Variants in WDR35 observed in about 807,000 individuals in gnomAD.
The protein encoded by WDR35 is WD repeat domain 35.
Under a neutral mutation model 158.3 loss-of-function variants are expected in WDR35, and 118 were observed. That is an observed-to-expected ratio of 0.75 (90% CI 0.64 to 0.87). The LOEUF is 0.87. WDR35 is among the 40% of genes least tolerant of loss of function. The pLI, the probability that WDR35 is intolerant of heterozygous loss-of-function variation, is 0.00. For synonymous variants in WDR35, 448 were observed against 476.1 expected, an observed-to-expected ratio of 0.94 and a Z score of 0.77; for missense variants, 1,263 against 1,405.8, an observed-to-expected ratio of 0.90 and a Z score of 1.62.
At chr2:19,915,481 T>C (rs1029190633) in intron 25 of WDR35, among the ~76,000 whole-genome samples, 15 of 151,362 alleles carry the variant, frequency 9.9e-5, no homozygotes, top group Admixed American at 9.9e-4. Flanking sequence ...ACCTAGTAGG[T>C]GAAGCATCTC....
chr2:19,916,568 A>G (rs913881675), intron 25 of WDR35, among the ~76,000 whole-genome samples: 1 of 152,232 alleles, frequency 6.6e-6, no homozygotes, highest in African/African-American at 2.4e-5. Context: ...GGCATCCACC[A>G]TTGCTGAGGC....
chr2:19,946,707 T>A (rs774072285), intron 14 of WDR35, 137 bp from the exon 15 acceptor site: 1 of 767,722 alleles, frequency 1.3e-6, no homozygotes, highest in Non-Finnish European at 2.2e-6. Flanking sequence ...TGATAATGAA[T>A]CATGTCCTTA....
chr2:19,925,402 TAAAC>T (rs1364109486), intron 25 of WDR35, among the ~76,000 whole-genome samples: 2 of 152,122 alleles, frequency 1.3e-5, no homozygotes, highest in African/African-American at 2.4e-5. Flanking sequence ...GAAGCACAAA[TAAAC>T]AAGGCAAAGC....
At chr2:19,973,486 C>A (rs1479610569) in intron 8 of WDR35, 77 bp downstream of exon 8, 1 of 1,587,202 alleles carries the variant, frequency 6.3e-7, no homozygotes, top group African/African-American at 1.3e-5. Flanking sequence ...TACACCGTTT[C>A]CTTTGTTATT....
intron 2 of WDR35, among the ~76,000 whole-genome samples, chr2:19,984,080 A>G (rs1672479655): frequency 6.7e-6 from 1 of 148,906 alleles, no homozygotes; most frequent in African/African-American, 2.5e-5. Context: ...TGTCACTATA[A>G]CCTAAGTGAA....
rs1672667840 is a variant in WDR35, at chr2:19,989,253, C to A, written c.54G>T (p.Gln18His). 6.2e-7 allele frequency: 1 copy of A among 1,614,122 alleles called. No individual in the cohort carries two copies. The highest frequency in any genetic ancestry group is 1.3e-5 in the African/African-American group (1 of 74,956). Reference protein sequence around the residue: ...KISIPNNVKLQCVSWNKEQGF... With the variant: ...KISIPNNVKLHCVSWNKEQGF... ...CTTGTTCCTTGTTCCAGGATACACA[C>A]TGCAGCTTCACGTTATTGGGAATGG... Residue 18 changes from glutamine (Q) to histidine (H), a missense_variant, in exon 2 of 27, where the codon CAG becomes CAT. By Grantham distance (24) the Gln-to-His change is conservative. Transcript: ENST00000281405.
chr2:19,941,599 T>C (rs1172778667), intron 17 of WDR35, among the ~76,000 whole-genome samples, 160 bp downstream of exon 17: 1 of 152,200 alleles, frequency 6.6e-6, no homozygotes, highest in Non-Finnish European at 1.5e-5. Flanking sequence ...CTCAAAAAGA[T>C]GGTGGCACCC....
Position 19,933,395 on chromosome 2 carries a change from T to A in WDR35, c.2658+6A>T, listed in dbSNP as rs746199319. Reference sequence around the variant, plus strand: ...AGCTGCACAGACAGAAAGTTTCAGTTCCTACTTGGTTGAGATGTACGCAGG... The same window carrying A: ...AGCTGCACAGACAGAAAGTTTCAGTACCTACTTGGTTGAGATGTACGCAGG... On this transcript the variant is annotated splice_donor_region_variant and intron_variant, in intron 22 of 26. Transcript: ENST00000281405. 6.2e-7 allele frequency: 1 copy of A among 1,610,950 alleles called. No individual in the cohort carries two copies. The highest frequency in any genetic ancestry group is 8.5e-7 in the Non-Finnish European group (1 of 1,177,300).
Position 19,914,186 on chromosome 2 carries a change from C to T in WDR35, c.3213G>A (p.Gly1071=), listed in dbSNP as rs777245080. Residue 1071 remains glycine (G), a synonymous_variant, in exon 26 of 27, where the codon GGG becomes GGA. Transcript: ENST00000281405. The part of the protein sequence containing the change: ...ALCACASRAF[G]TCSKAFIKLK... ...GTTTAATGAAAGCTTTTGAACAAGT[C>T]CCAAAGGCTCTGCTGGCGCATGCGC... 6.2e-7 allele frequency: 1 copy of T among 1,614,134 alleles called. No individual in the cohort carries two copies. Among genetic ancestry groups the T allele is most frequent in the Non-Finnish European group, 8.5e-7 (1 of 1,180,004 alleles).
rs560572903 is a variant in WDR35, at chr2:19,926,309, C to G, written c.3121+4087G>C. Among the ~76,000 whole-genome samples the G allele has an allele frequency of 5.3e-5, 8 of 152,340 alleles. No individual in the cohort carries two copies. In the South Asian group the frequency reaches 1.7e-3, roughly 32 times the overall value. On this transcript the variant is annotated intron_variant, in intron 25 of 26. Transcript: ENST00000281405. ...AATTCCTGTGGTAAACAACCTGCAG[C>G]CTGCTAAGTGTTTTCATTGTTTTAC...
rs781769213 is a variant in WDR35, at chr2:19,933,491, G to A, written c.2568C>T (p.Val856=). ...CTGCTTGTTCACACATTCCAACTCT[G>A]ACAAACATTTGTGCTATTTCCTGTA... ...KLLPEIAQMF[V]RVGMCEQAVT... is the part of the protein sequence containing the mutation. The change falls in exon 22 of 27, where the codon GTC becomes GTT. Residue 856 remains valine, a synonymous_variant. Transcript: ENST00000281405. 29 of 1,613,648 alleles carry A rather than the reference G, an allele frequency of 1.8e-5. No homozygotes were observed. Among genetic ancestry groups the A allele is most frequent in the Non-Finnish European group, 2.2e-5 (26 of 1,179,874 alleles).
At chr2:19,933,541 T>C (rs1670594357) in intron 21 of WDR35, 30 bp from the exon 22 acceptor site, 1 of 1,569,444 alleles carries the variant, frequency 6.4e-7, no homozygotes, top group Admixed American at 1.7e-5. Context: ...CTATCAGATT[T>C]CACAGACCAA....
Position 19,932,395 on chromosome 2 carries a change from G to C in WDR35, c.2711C>G (p.Ser904Cys). 6.2e-7 allele frequency: 1 copy of C among 1,613,240 alleles called. No homozygotes were observed. The highest frequency in any genetic ancestry group is 8.5e-7 in the Non-Finnish European group (1 of 1,179,540). The part of the protein sequence containing the change: ...AKNHSMKEIG[S>C]LLARYASHLL... ...ATGAGATGCATACCTAGCTAACAGA[G>C]ATCCAATTTCTTTCATACTATGATT... Residue 904 changes from serine to cysteine, a missense_variant, in exon 23 of 27, where the codon TCT (serine) becomes TGT (cysteine). Physicochemically the swap from Ser to Cys is moderately radical, Grantham distance 112 (BLOSUM62 -1). Coordinates refer to ENST00000281405, the MANE Select transcript of WDR35 (RefSeq NM_020779.4).
intron 11 of WDR35, among the ~76,000 whole-genome samples, chr2:19,958,220 G>A (rs1358271380): frequency 6.6e-6 from 1 of 152,220 alleles, no homozygotes; most frequent in Non-Finnish European, 1.5e-5. Flanking sequence ...CTGCAGCATA[G>A]GCAAACTGGT....
At chr2:19,925,860 C>A (rs1281843493) in intron 25 of WDR35, among the ~76,000 whole-genome samples, 1 of 152,132 alleles carries the variant, frequency 6.6e-6, no homozygotes, top group Non-Finnish European at 1.5e-5. Context: ...AGTGGAAAGA[C>A]AAAGTTCCCG....
At chr2:19,916,849 G>A (rs1385054908) in intron 25 of WDR35, among the ~76,000 whole-genome samples, 1 of 152,206 alleles carries the variant, frequency 6.6e-6, no homozygotes, top group East Asian at 1.9e-4. Context: ...GACAGCAGCG[G>A]ATCAACCAGC....
intron 10 of WDR35, among the ~76,000 whole-genome samples, chr2:19,963,420 C>A (rs1463235192): frequency 6.6e-6 from 1 of 152,074 alleles, no homozygotes; most frequent in African/African-American, 2.4e-5. Flanking sequence ...TAACACAAAT[C>A]CCCAATTATC....
chr2:19,978,850 G>T lies in WDR35; in HGVS notation c.337C>A (p.Arg113=), dbSNP rs758456073. The T allele has an allele frequency of 6.8e-6, 11 of 1,613,502 alleles. No individual in the cohort carries two copies. Among genetic ancestry groups the T allele is most frequent in the South Asian group, 5.5e-5 (5 of 91,066 alleles). ...GSWIEEMINN[R]NKSVVRSMSW... ...ATACTGCGAACAACTGATTTATTTCGATTGTTGATCATCTCCTCAATCCAA... is the reference window on the plus strand; with the variant it reads ...ATACTGCGAACAACTGATTTATTTCTATTGTTGATCATCTCCTCAATCCAA... Residue 113 remains arginine, a synonymous_variant, in exon 5 of 27, where the codon CGA becomes AGA. Coordinates refer to ENST00000281405, the MANE Select transcript of WDR35 (RefSeq NM_020779.4).
chr2:19,988,265 A>G (rs1248666129), intron 2 of WDR35, among the ~76,000 whole-genome samples: 2 of 152,242 alleles, frequency 1.3e-5, no homozygotes, highest in Non-Finnish European at 2.9e-5. Flanking sequence ...AAAATCGTCA[A>G]TAAGTATTTA....
Sources: gnomAD v4.1 joint callset for allele counts (sites outside exome capture counted in the v4.1 genomes callset) on GRCh38, gnomAD v4.1.1 for gene constraint, MANE v1.5 for transcripts, NCBI Gene and HGNC (gene_info 2026-07-23, HGNC 2026-07-21) for gene names.